Variants in WWOX observed in about 807,000 individuals in gnomAD.
WWOX encodes WW domain-containing oxidoreductase.
WWOX carries 69 observed loss-of-function variants against 46.2 expected under a neutral mutation model. The observed-to-expected ratio is 1.49, with a 90% CI of 1.23 to 1.82. The LOEUF (loss-of-function observed/expected upper bound fraction) is 1.82. WWOX is among the 40% of genes most tolerant of loss of function. The probability of loss-of-function intolerance (pLI) is 0.00; values close to 1 mark genes in which losing one functional copy is unlikely to be tolerated. For synonymous variants in WWOX, 359 were observed against 202.6 expected, an observed-to-expected ratio of 1.77 and a Z score of -6.56; for missense variants, 919 against 542.6, an observed-to-expected ratio of 1.69 and a Z score of -6.89.
At chr16:78,967,537 C>T (rs949376708) in intron 8 of WWOX, among the ~76,000 whole-genome samples, 1 of 145,634 alleles carries the variant, frequency 6.9e-6, no homozygotes, top group African/African-American at 2.5e-5. Flanking sequence ...ACTCCTGAGT[C>T]CAGGTGATCC....
chr16:78,302,676 A>G (rs532502792), intron 5 of WWOX, among the ~76,000 whole-genome samples: 71 of 152,196 alleles, frequency 4.7e-4, no homozygotes, highest in Admixed American at 1.6e-3. Context: ...ACTTTGCCAC[A>G]ATCTCCACCA....
At chr16:78,580,098 G>C (rs182411805) in intron 8 of WWOX, among the ~76,000 whole-genome samples, 1 of 147,386 alleles carries the variant, frequency 6.8e-6, no homozygotes, top group Non-Finnish European at 1.5e-5. Flanking sequence ...TTTTGAGACC[G>C]AGTCTTGCTC....
At chr16:78,959,632 T>C (rs1347942665) in intron 8 of WWOX, among the ~76,000 whole-genome samples, 1 of 152,186 alleles carries the variant, frequency 6.6e-6, no homozygotes, top group Non-Finnish European at 1.5e-5. Context: ...GGCCAGTGTC[T>C]TGGTGAAAGA....
chr16:79,174,690 A>C (rs16949769), intron 8 of WWOX, among the ~76,000 whole-genome samples: 2 of 152,190 alleles, frequency 1.3e-5, no homozygotes, highest in African/African-American at 4.8e-5. Flanking sequence ...GTGAATTTCT[A>C]TGTCCGCCCT....
intron 8 of WWOX, among the ~76,000 whole-genome samples, chr16:78,724,298 T>A (rs1328213382): frequency 6.6e-6 from 1 of 152,150 alleles, no homozygotes; most frequent in Non-Finnish European, 1.5e-5. Context: ...AGTAGTTGGA[T>A]TCATTATCTC....
intron 8 of WWOX, among the ~76,000 whole-genome samples, chr16:79,115,314 T>A (rs2049494043): frequency 6.6e-6 from 1 of 152,194 alleles, no homozygotes; most frequent in South Asian, 2.1e-4. Flanking sequence ...CAATGTATAC[T>A]TCATCTCATT....
chr16:78,333,931 T>G (rs977522285), intron 5 of WWOX, among the ~76,000 whole-genome samples: 3 of 144,650 alleles, frequency 2.1e-5, no homozygotes, highest in African/African-American at 8.2e-5. Flanking sequence ...TCTTCTTCTC[T>G]TTTAGAAACC....
At chr16:78,356,426 G>T (rs755657183) in intron 5 of WWOX, among the ~76,000 whole-genome samples, 1 of 152,070 alleles carries the variant, frequency 6.6e-6, no homozygotes, top group Non-Finnish European at 1.5e-5. Flanking sequence ...TTGTGGACCC[G>T]TGGGAAAATC....
intron 8 of WWOX, among the ~76,000 whole-genome samples, chr16:78,651,906 TGA>T (rs919692045): frequency 6.6e-6 from 1 of 151,520 alleles, no homozygotes; most frequent in South Asian, 2.1e-4. Context: ...CCATAGGGAG[TGA>T]GAGAGAGTGT....
intron 8 of WWOX, among the ~76,000 whole-genome samples, chr16:78,728,600 G>A (rs911791488): frequency 1.3e-5 from 2 of 152,134 alleles, no homozygotes; most frequent in African/African-American, 4.8e-5. Flanking sequence ...TTAGCATTCT[G>A]ATGAAAAGAG....
intron 8 of WWOX, among the ~76,000 whole-genome samples, chr16:78,559,396 C>CCT (rs2044380238): frequency 6.6e-6 from 1 of 152,108 alleles, no homozygotes; most frequent in Non-Finnish European, 1.5e-5. Context: ...CTAAGACATG[C>CCT]CTGTAGACTG....
chr16:78,966,069 G>T (rs528767931), intron 8 of WWOX, among the ~76,000 whole-genome samples: 4 of 152,306 alleles, frequency 2.6e-5, no homozygotes, highest in African/African-American at 9.6e-5. Context: ...TGTGTGACCA[G>T]CTCTGAGGAT....
At chr16:78,211,919 G>C (rs2036571442) in intron 5 of WWOX, among the ~76,000 whole-genome samples, 1 of 152,216 alleles carries the variant, frequency 6.6e-6, no homozygotes, top group Admixed American at 6.5e-5. Context: ...TCTGAGCTGA[G>C]TTTGTTTTGG....
chr16:78,269,214 A>G (rs942768252), intron 5 of WWOX: 8 of 152,230 alleles, frequency 5.3e-5, no homozygotes, highest in African/African-American at 1.4e-4. Flanking sequence ...GATTTTGATT[A>G]AGAATCTTTC....
chr16:79,132,991 C>G (rs1429492698), intron 8 of WWOX, among the ~76,000 whole-genome samples: 1 of 152,142 alleles, frequency 6.6e-6, no homozygotes, highest in East Asian at 1.9e-4. Flanking sequence ...TGGATCTTAC[C>G]AGTCCTGGCA....
chr16:78,925,887 C>T (rs926577568), intron 8 of WWOX, among the ~76,000 whole-genome samples: 2 of 152,174 alleles, frequency 1.3e-5, no homozygotes, highest in Non-Finnish European at 2.9e-5. Context: ...TGATCCCACC[C>T]TTGCCTCCCT....
chr16:78,844,271 C>G (rs758511757), intron 8 of WWOX, among the ~76,000 whole-genome samples: 2 of 152,196 alleles, frequency 1.3e-5, no homozygotes, highest in East Asian at 1.9e-4. Flanking sequence ...CCATAAAGTT[C>G]TGCTTACTGA....
At chr16:78,877,068 C>T (rs1434126021) in intron 8 of WWOX, among the ~76,000 whole-genome samples, 1 of 152,168 alleles carries the variant, frequency 6.6e-6, no homozygotes, top group East Asian at 1.9e-4. Flanking sequence ...AATTCTTTTC[C>T]TTACAAGCCC....
intron 5 of WWOX, among the ~76,000 whole-genome samples, chr16:78,193,758 G>T (rs2035956609): frequency 6.6e-6 from 1 of 151,872 alleles, no homozygotes; most frequent in African/African-American, 2.4e-5. Flanking sequence ...TTGTTTGTTT[G>T]AATTGTTGGA....
Sources: gnomAD v4.1 joint callset for allele counts (sites outside exome capture counted in the v4.1 genomes callset) on GRCh38, gnomAD v4.1.1 for gene constraint, MANE v1.5 for transcripts, NCBI Gene and HGNC (gene_info 2026-07-23, HGNC 2026-07-21) for gene names.